The following EPM2A variants were observed in gnomAD, a reference collection of about 807,000 sequenced individuals.
EPM2A encodes laforin.
In EPM2A, 21 loss-of-function variants were observed where a neutral mutation model predicts 26.5. The observed-to-expected ratio is 0.79, with a 90% CI of 0.56 to 1.14. The LOEUF (loss-of-function observed/expected upper bound fraction) is 1.14. Among genes scored for constraint, EPM2A ranks in the 50% most tolerant of loss-of-function variants. EPM2A has a pLI of 0.00. For missense variants in EPM2A, 458 were observed against 440.8 expected (o/e 1.04, Z -0.35); for synonymous variants, 217 against 177.6 (o/e 1.22, Z -1.76).
At chr6:145,561,646 C>T (rs1319614774) in intron 2 of EPM2A, among the ~76,000 whole-genome samples, 2 of 152,194 alleles carry the variant, frequency 1.3e-5, no homozygotes, top group African/African-American at 2.4e-5. Context: ...TTCTGTGACA[C>T]GTATCTTCTC....
intron 2 of EPM2A, among the ~76,000 whole-genome samples, chr6:145,666,744 C>T (rs1248622173): frequency 6.7e-6 from 1 of 149,130 alleles, no homozygotes; most frequent in Admixed American, 6.7e-5. Flanking sequence ...GGAGGCATCA[C>T]ACTACCTGAC....
At chr6:145,654,286 A>G (rs1778101461) in intron 2 of EPM2A, among the ~76,000 whole-genome samples, 1 of 152,000 alleles carries the variant, frequency 6.6e-6, no homozygotes, top group Non-Finnish European at 1.5e-5. Flanking sequence ...GGTTCAAGCA[A>G]TTCTCCTGCC....
intron 1 of EPM2A, among the ~76,000 whole-genome samples, chr6:145,711,869 G>A (rs972565108): frequency 3.3e-5 from 5 of 152,076 alleles, no homozygotes; most frequent in East Asian, 3.9e-4. Context: ...AAATGCATAC[G>A]TGGAAAAACT....
chr6:145,639,906 G>A (rs912681374), intron 2 of EPM2A: 2 of 152,148 alleles, frequency 1.3e-5, no homozygotes, highest in African/African-American at 2.4e-5. Context: ...GCTATAATCA[G>A]ATTATACATA....
chr6:145,620,566 T>C (rs1433817552), downstream of EPM2A, among the ~76,000 whole-genome samples: 2 of 152,228 alleles, frequency 1.3e-5, no homozygotes, highest in Non-Finnish European at 2.9e-5. Flanking sequence ...ATTCCACTTT[T>C]AACCATTTTA....
chr6:145,598,773 G>A (rs573002766), intron 2 of EPM2A, among the ~76,000 whole-genome samples: 9 of 152,174 alleles, frequency 5.9e-5, no homozygotes, highest in African/African-American at 1.2e-4. Flanking sequence ...ATCTTGAGTC[G>A]ATTTTTGAAT....
At chr6:145,419,186 C>CCCG (rs1554235077) in intron 4 of EPM2A, among the ~76,000 whole-genome samples, 8 of 149,882 alleles carry the variant, frequency 5.3e-5, no homozygotes, top group Admixed American at 5.3e-4. Context: ...AATGTCCCCC[C>CCCG]CCCCCGCTCC....
At chr6:145,420,436 T>C (rs1778767058) in intron 4 of EPM2A, among the ~76,000 whole-genome samples, 1 of 152,204 alleles carries the variant, frequency 6.6e-6, no homozygotes, top group Non-Finnish European at 1.5e-5. Flanking sequence ...ATTATGGATG[T>C]AACTTCATCC....
intron 1 of EPM2A, among the ~76,000 whole-genome samples, chr6:145,719,628 TA>T (rs1307959503): frequency 5.3e-5 from 8 of 152,036 alleles, no homozygotes; most frequent in African/African-American, 1.9e-4. Flanking sequence ...ATAATAATAA[TA>T]AATAAATAAA....
chr6:145,674,048 A>C (rs892988048), intron 2 of EPM2A, among the ~76,000 whole-genome samples: 1 of 152,130 alleles, frequency 6.6e-6, no homozygotes, highest in Non-Finnish European at 1.5e-5. Flanking sequence ...GGGCCAACAG[A>C]CACCTCATAC....
intron 4 of EPM2A, among the ~76,000 whole-genome samples, chr6:145,417,335 T>C (rs1340477455): frequency 6.6e-6 from 1 of 152,212 alleles, no homozygotes; most frequent in Non-Finnish European, 1.5e-5. Flanking sequence ...TGCCGCAGAA[T>C]ACAGCTCTCA....
At chr6:145,515,679 C>A (rs1780115832) in intron 2 of EPM2A, among the ~76,000 whole-genome samples, 1 of 152,158 alleles carries the variant, frequency 6.6e-6, no homozygotes, top group African/African-American at 2.4e-5. Context: ...CTAATAGTAT[C>A]ACCTTGGGGG....
intron 2 of EPM2A, among the ~76,000 whole-genome samples, chr6:145,612,387 A>C (rs1163107401): frequency 6.6e-6 from 1 of 152,202 alleles, no homozygotes; most frequent in Non-Finnish European, 1.5e-5. Flanking sequence ...TCATAATCTT[A>C]GTTGCTGGTG....
chr6:145,626,097 C>A lies in EPM2A; in HGVS notation c.*1319G>T. ...GATTAAACTGGATATGATTATATAT[C>A]ACCTTGCACATAGAGGCTCTCAATT... On this transcript the variant is annotated 3_prime_UTR_variant, in exon 4 of 4. Coordinates refer to ENST00000367519, the MANE Select transcript of EPM2A (RefSeq NM_005670.4). The A allele has an allele frequency of 9.4e-7, 1 of 1,066,672 alleles. No individual in the cohort carries two copies. The highest frequency in any genetic ancestry group is 1.1e-6 in the Non-Finnish European group (1 of 879,076). The allele number at this position is 1,066,672 out of a possible 1,614,324, so 66.1% of individuals were successfully genotyped here.
chr6:145,595,541 T>C (rs1202836567), intron 2 of EPM2A, among the ~76,000 whole-genome samples: 1 of 152,026 alleles, frequency 6.6e-6, no homozygotes, highest in African/African-American at 2.4e-5. Flanking sequence ...ACACACTCTT[T>C]TCATAGACTT....
rs187068990 is a variant in EPM2A, at chr6:145,573,057, C to G, written c.340+62188G>C. 1.5e-3 allele frequency among the ~76,000 whole-genome samples: 223 copies of G among 152,272 alleles called. 3 individuals are homozygous for G. Among genetic ancestry groups the G allele is most frequent in the East Asian group, 3.9e-4 (2 of 5,184 alleles). On this transcript the variant is annotated intron_variant, in intron 2 of 3. Transcript: ENST00000450221. ...AAATTTTACTGAGGTAGAAAGTTCC[C>G]GAGTTTCAGTTAGATTTCACATCCT...
At chr6:145,704,987 A>G (rs552196039) in intron 1 of EPM2A, among the ~76,000 whole-genome samples, 35 of 152,360 alleles carry the variant, frequency 2.3e-4, no homozygotes, top group Non-Finnish European at 4.0e-4. Context: ...ACATAATCAC[A>G]TTGAAGAAGG....
At position 145,627,695 on chromosome 6, in the gene EPM2A, T is replaced by A. The variant is rs772082648; in HGVS notation, c.719-2A>T. 1.2e-6 allele frequency: 2 copies of A among 1,613,772 alleles called. No individual in the cohort carries two copies. Among genetic ancestry groups the A allele is most frequent in the African/African-American group, 1.3e-5 (1 of 74,914 alleles). The stretch of plus-strand genomic sequence containing the variant: ...CCTGGGGCAGCATCTGTACTCGGCC[T>A]GCGGTGGGGAAAGCACAGCACACAT... On this transcript the variant is annotated splice_acceptor_variant, in intron 3 of 3. Transcript: ENST00000367519. LOFTEE classifies it high-confidence loss of function.
intron 1 of EPM2A, among the ~76,000 whole-genome samples, chr6:145,711,291 A>T (rs1775306305): frequency 6.6e-6 from 1 of 152,134 alleles, no homozygotes; most frequent in Admixed American, 6.6e-5. Context: ...CTGAAGAAAT[A>T]CTCATTATAC....
Sources: allele counts gnomAD v4.1 joint callset (sites outside exome capture counted in the v4.1 genomes callset), GRCh38; gene constraint gnomAD v4.1.1; transcripts MANE v1.5; gene names NCBI Gene and HGNC (gene_info 2026-07-23, HGNC 2026-07-21).